The following DGKB variants were observed in gnomAD, a reference collection of about 807,000 sequenced individuals.
DGKB encodes 90 kDa diacylglycerol kinase.
In DGKB, 67 loss-of-function variants were observed where a neutral mutation model predicts 114.3. That is an observed-to-expected ratio of 0.59 (90% confidence interval 0.48 to 0.72). The LOEUF (loss-of-function observed/expected upper bound fraction) is 0.72. Among genes scored for constraint, DGKB ranks in the 30% least tolerant of loss-of-function variants. DGKB has a pLI of 0.00. For synonymous variants in DGKB, 398 were observed against 323.1 expected (o/e 1.23, Z -2.49); for missense variants, 907 against 975.2 (o/e 0.93, Z 0.93).
At chr7:14,770,293 A>T (rs56656737) in intron 2 of DGKB, among the ~76,000 whole-genome samples, 4 of 151,946 alleles carry the variant, frequency 2.6e-5, no homozygotes, top group African/African-American at 9.7e-5. Context: ...AAGAAGGTCA[A>T]GAATCGGGTT....
Position 14,237,661 on chromosome 7 carries a change from C to A in DGKB, c.2123-59510G>T, listed in dbSNP as rs577287472. On this transcript the variant is annotated intron_variant, in intron 23 of 25. Coordinates refer to ENST00000402815, the MANE Select transcript of DGKB (RefSeq NM_001350709.2). ...TATGAATCAGAAACAGGCCTGAGAG[C>A]AACAAAATAGTTTATGTAGTAGAAT... 3.3e-5 allele frequency among the ~76,000 whole-genome samples: 5 copies of A among 151,860 alleles called. No homozygotes were observed. The East Asian group carries it at 5.8e-4, about 18-fold the overall frequency.
At chr7:14,199,089 A>T (rs1415687483) in intron 23 of DGKB, among the ~76,000 whole-genome samples, 1 of 152,002 alleles carries the variant, frequency 6.6e-6, no homozygotes, top group Non-Finnish European at 1.5e-5. Flanking sequence ...ATTGTGATTA[A>T]ATATATTGTT....
At chr7:14,280,311 A>C (rs1405169259) in intron 23 of DGKB, among the ~76,000 whole-genome samples, 1 of 152,046 alleles carries the variant, frequency 6.6e-6, no homozygotes, top group African/African-American at 2.4e-5. Flanking sequence ...GTTTAGAGAG[A>C]AAAGAATAAA....
chr7:14,885,611 T>A (rs555982714), intron 1 of DGKB, among the ~76,000 whole-genome samples: 1 of 151,992 alleles, frequency 6.6e-6, no homozygotes, highest in South Asian at 2.1e-4. Flanking sequence ...CATACATGGA[T>A]GGGGCACAGT....
At chr7:14,820,259 C>A (rs938125203) in intron 2 of DGKB, among the ~76,000 whole-genome samples, 1 of 151,954 alleles carries the variant, frequency 6.6e-6, no homozygotes, top group African/African-American at 2.4e-5. Context: ...TTTAAAAACA[C>A]CTTTTAGAAA....
chr7:14,374,371 T>G (rs1818159578), intron 21 of DGKB, among the ~76,000 whole-genome samples: 1 of 152,156 alleles, frequency 6.6e-6, no homozygotes, highest in Non-Finnish European at 1.5e-5. Context: ...TGGGCGCTCT[T>G]CCATATTTTT....
intron 23 of DGKB, among the ~76,000 whole-genome samples, chr7:14,181,060 TA>T: frequency 6.6e-6 from 1 of 152,138 alleles, no homozygotes; most frequent in South Asian, 2.1e-4. Flanking sequence ...TTTAAAAATA[TA>T]AAAAAATAAA....
intron 1 of DGKB, among the ~76,000 whole-genome samples, chr7:14,960,703 A>G (rs905908781): frequency 6.6e-6 from 1 of 152,066 alleles, no homozygotes; most frequent in African/African-American, 2.4e-5. Context: ...TTTATTTGCT[A>G]CCAACTAAGG....
chr7:14,607,916 T>C (rs914215391), intron 16 of DGKB, among the ~76,000 whole-genome samples: 3 of 152,014 alleles, frequency 2.0e-5, no homozygotes, highest in African/African-American at 7.2e-5. Context: ...TTGTCCTCTA[T>C]AGATCTCTGA....
At chr7:14,867,775 C>T (rs1445668754) in intron 1 of DGKB, among the ~76,000 whole-genome samples, 3 of 152,154 alleles carry the variant, frequency 2.0e-5, no homozygotes, top group East Asian at 1.9e-4. Flanking sequence ...AGCCGAGCAG[C>T]GAAAATACGG....
At chr7:14,630,671 T>C (rs1326549271) in intron 13 of DGKB, among the ~76,000 whole-genome samples, 1 of 152,094 alleles carries the variant, frequency 6.6e-6, no homozygotes, top group East Asian at 1.9e-4. Context: ...ACTGTGTCTT[T>C]TGAACACAGA....
At chr7:14,791,043 C>G (rs1447845146) in intron 2 of DGKB, among the ~76,000 whole-genome samples, 3 of 151,970 alleles carry the variant, frequency 2.0e-5, no homozygotes, top group Non-Finnish European at 2.9e-5. Flanking sequence ...GTTGCCCAAG[C>G]TGGTCTTGAA....
chr7:14,198,974 T>G (rs147036060), intron 23 of DGKB, among the ~76,000 whole-genome samples: 158 of 152,218 alleles, frequency 1.0e-3, no homozygotes, highest in African/African-American at 3.5e-3. Context: ...TTCTGATTCC[T>G]AGTCCTAAAT....
chr7:14,267,711 G>A (rs1396995318), intron 23 of DGKB, among the ~76,000 whole-genome samples: 2 of 151,876 alleles, frequency 1.3e-5, no homozygotes, highest in Non-Finnish European at 2.9e-5. Context: ...GGATGGTCTC[G>A]ATCTCCTGAC....
intron 1 of DGKB, among the ~76,000 whole-genome samples, chr7:14,909,223 T>A (rs1413483066): frequency 1.3e-5 from 2 of 152,194 alleles, no homozygotes; most frequent in African/African-American, 2.4e-5. Flanking sequence ...CTATGTCTGT[T>A]AAAGCCAATT....
intron 23 of DGKB, among the ~76,000 whole-genome samples, chr7:14,223,679 CGTGA>C (rs1352273536): frequency 3.3e-5 from 5 of 151,724 alleles, no homozygotes; most frequent in Admixed American, 2.0e-4. Flanking sequence ...TATTACTCAA[CGTGA>C]GTGAGTTAGC....
chr7:14,862,150 G>A (rs909269679), intron 1 of DGKB, among the ~76,000 whole-genome samples: 1 of 151,824 alleles, frequency 6.6e-6, no homozygotes, highest in Non-Finnish European at 1.5e-5. Flanking sequence ...CAGCTTCACC[G>A]AGGTAAAATT....
intron 12 of DGKB, among the ~76,000 whole-genome samples, chr7:14,676,971 T>C (rs1189752868): frequency 2.6e-5 from 4 of 151,956 alleles, no homozygotes; most frequent in African/African-American, 9.7e-5. Context: ...TTCCCATTCA[T>C]GTTAAGGGAT....
intron 13 of DGKB, among the ~76,000 whole-genome samples, chr7:14,633,849 G>T (rs1810221792): frequency 6.6e-6 from 1 of 151,568 alleles, no homozygotes; most frequent in African/African-American, 2.4e-5. Flanking sequence ...AGATGCATTT[G>T]CCTTCAGGGC....
Sources: allele counts gnomAD v4.1 joint callset (sites outside exome capture counted in the v4.1 genomes callset), GRCh38; gene constraint gnomAD v4.1.1; transcripts MANE v1.5; gene names NCBI Gene and HGNC (gene_info 2026-07-23, HGNC 2026-07-21).